The following EVC2 variants were observed in gnomAD, a reference collection of about 807,000 sequenced individuals.
EVC2 encodes EvC ciliary complex subunit 2.
In EVC2, 148 loss-of-function variants were observed where a neutral mutation model predicts 149.3. The observed-to-expected ratio is 0.99, with a 90% CI of 0.87 to 1.14. The LOEUF is 1.14. Among genes scored for constraint, EVC2 ranks in the 50% most tolerant of loss-of-function variants. EVC2 has a pLI of 0.00. For missense variants in EVC2, 1,854 were observed against 1,627.3 expected, an observed-to-expected ratio of 1.14 and a Z score of -2.40; for synonymous variants, 776 against 649.9, an observed-to-expected ratio of 1.19 and a Z score of -2.95.
At position 5,602,952 on chromosome 4, in the gene EVC2, A is replaced by ATG. The variant is rs146768389; in HGVS notation, c.2829+12468_2829+12469dup. 2.7e-3 allele frequency among the ~76,000 whole-genome samples: 417 copies of ATG among 151,736 alleles called. 3 individuals are homozygous for ATG. The highest frequency in any genetic ancestry group is 9.4e-3 in the African/African-American group (391 of 41,490). On this transcript the variant is annotated intron_variant, in intron 16 of 21. Coordinates refer to ENST00000344408, the MANE Select transcript of EVC2 (RefSeq NM_147127.5). ...AGCTGTTAACTCTGGGGAGCTGAAA[A>ATG]TGTGTGTGTGTGTGCATGGCTGGGG...
chr4:5,629,873 C>T (rs534650970), intron 11 of EVC2, among the ~76,000 whole-genome samples: 8 of 152,318 alleles, frequency 5.3e-5, no homozygotes, highest in African/African-American at 1.9e-4. Context: ...GAATTGGTAT[C>T]CTTAAATACT....
rs1160512258 is a variant in EVC2 at position 5,706,349 on chromosome 4, GATAGACAC to G, written c.228+1929_228+1936del. On this transcript the variant is annotated intron_variant, in intron 1 of 21. Transcript: ENST00000344408. ...AGATAGATAGATAGATACATAGATAGATAGACACATAGATAGATACATAGATAGATACA... is the reference window on the plus strand; with the variant it reads ...AGATAGATAGATAGATACATAGATAGATAGATAGATACATAGATAGATACA... Among the ~76,000 whole-genome samples the G allele has an allele frequency of 1.1e-3, 24 of 22,752 alleles. 1 individual carries two copies. The highest frequency in any genetic ancestry group is 2.1e-3 in the African/African-American group (8 of 3,786). 14.9% of individuals were successfully genotyped at this position (22,752 alleles called of 152,430 possible).
At chr4:5,638,641 C>G (rs1240846786) in intron 10 of EVC2, among the ~76,000 whole-genome samples, 2 of 152,070 alleles carry the variant, frequency 1.3e-5, no homozygotes, top group Non-Finnish European at 1.5e-5. Flanking sequence ...ATCCTAACCT[C>G]AGGACCTTAT....
At position 5,584,728 on chromosome 4, in the gene EVC2, G is replaced by A; in HGVS notation, c.2952C>T (p.Ala984=). The A allele has an allele frequency of 6.2e-7, 1 of 1,614,188 alleles. No individual in the cohort carries two copies. Among genetic ancestry groups the A allele is most frequent in the Non-Finnish European group, 8.5e-7 (1 of 1,180,032 alleles). The change falls in exon 17 of 22, where the codon GCC becomes GCT. Residue 984 remains alanine, a synonymous_variant. Coordinates refer to ENST00000344408, the MANE Select transcript of EVC2 (RefSeq NM_147127.5). ...CCTGGATGCTGAGGAGGGCGGTGTA[G>A]GCCGACAGAGTCTCGGTCACCCGGG... is the stretch of plus-strand genomic sequence containing the variant. The part of the protein sequence containing the change: ...KASRVTETLS[A]YTALLSIQDL...
chr4:5,694,304 T>C lies in EVC2; in HGVS notation c.450+31A>G, dbSNP rs55801084. 49,663 of 1,611,062 alleles carry C rather than the reference T, an allele frequency of 0.031. 927 individuals carry two copies. The highest frequency in any genetic ancestry group is 0.035 in the Non-Finnish European group (41,074 of 1,178,066). ...ATTGGTTTATTTCCAACTTCTGGTA[T>C]TTGTGTTAAAGCATTGAACTTAATA... is the stretch of plus-strand genomic sequence containing the variant. On this transcript the variant is annotated intron_variant, in intron 3 of 21. Transcript: ENST00000344408.
intron 17 of EVC2, among the ~76,000 whole-genome samples, chr4:5,578,259 C>A (rs1723053096): frequency 1.3e-5 from 2 of 152,082 alleles, no homozygotes. Context: ...CAGCACAGTG[C>A]ATAGCTCATC....
At position 5,562,953 on chromosome 4, in the gene EVC2, T is replaced by G. The variant is rs2108765040; in HGVS notation, c.3822A>C (p.Ile1274=). ...DLLNTGEKLF[I]FRNPKEPEIS... ...TCTCTGGCTCCTTTGGATTTCTGAA[T>G]ATAAAGAGCTTCTCTCCTGTGTTTA... Residue 1274 remains isoleucine, a synonymous_variant, in exon 22 of 22, where the codon ATA becomes ATC. Coordinates refer to ENST00000344408, the MANE Select transcript of EVC2 (RefSeq NM_147127.5). The surrounding 1 kb of genome is among the most constrained non-coding windows in gnomAD (Gnocchi z 4.3). 6.2e-7 allele frequency: 1 copy of G among 1,614,124 alleles called. No individual in the cohort carries two copies. The highest frequency in any genetic ancestry group is 2.2e-5 in the East Asian group (1 of 44,866).
intron 21 of EVC2, among the ~76,000 whole-genome samples, chr4:5,543,455 T>C (rs548735223): frequency 6.6e-6 from 1 of 152,358 alleles, no homozygotes; most frequent in East Asian, 1.9e-4. Flanking sequence ...CCTGCAGGGT[T>C]CGAAGTGTTT....
intron 21 of EVC2, among the ~76,000 whole-genome samples, chr4:5,548,849 A>C (rs539701749): frequency 5.3e-5 from 8 of 152,330 alleles, no homozygotes; most frequent in African/African-American, 1.9e-4. Context: ...TCACCTGTAG[A>C]TGACCCTCCA....
At position 5,686,127 on chromosome 4, in the gene EVC2, C is replaced by CACACACATAT. The variant is rs71171411; in HGVS notation, c.707-649_707-648insATATGTGTGT. 0.048 allele frequency among the ~76,000 whole-genome samples: 7,154 copies of CACACACATAT among 149,606 alleles called. 265 individuals are homozygous for CACACACATAT. Among genetic ancestry groups the CACACACATAT allele is most frequent in the East Asian group, 0.18 (915 of 5,118 alleles). On this transcript the variant is annotated intron_variant, in intron 5 of 21. Transcript: ENST00000344408. The surrounding 1 kb of genome is among the most constrained non-coding windows in gnomAD (Gnocchi z 5.4). The stretch of plus-strand genomic sequence containing the variant: ...ACACACACACACACACACACACACA[C>CACACACATAT]AGAGTAAAGAAAAGAGGAGGAACGC...
Position 5,625,499 on chromosome 4 carries a change from G to C in EVC2, c.2046+250C>G, listed in dbSNP as rs138086180. ...TCAAACCAGCACTCCTAATTCCCTT[G>C]CCCATGCAGACATTACTAGTCTATT... On this transcript the variant is annotated intron_variant, in intron 13 of 21. Coordinates refer to ENST00000344408, the MANE Select transcript of EVC2 (RefSeq NM_147127.5). The surrounding 1 kb of genome is among the most constrained non-coding windows in gnomAD (Gnocchi z 4.0). 3.1e-4 allele frequency among the ~76,000 whole-genome samples: 47 copies of C among 152,290 alleles called. 1 individual carries two copies. In the East Asian group the frequency reaches 8.3e-3, roughly 27 times the overall value.
Position 5,563,034 on chromosome 4 carries a change from C to A in EVC2, c.3741G>T (p.Glu1247Asp). Residue 1247 changes from glutamate (E) to aspartate (D), a missense_variant, in exon 22 of 22, where the codon GAG becomes GAT. Coordinates refer to ENST00000344408, the MANE Select transcript of EVC2 (RefSeq NM_147127.5). Reference sequence around the variant, plus strand: ...GTACAGGGGCCAGTTCGCCAATGGGCTCCAGTGACAGGTGTGGCCAACTTC... The same window carrying A: ...GTACAGGGGCCAGTTCGCCAATGGGATCCAGTGACAGGTGTGGCCAACTTC... ...GKGSWPHLSLEPIGELAPVPI... is the reference protein window; with the variant it reads ...GKGSWPHLSLDPIGELAPVPI... 6.2e-7 allele frequency: 1 copy of A among 1,614,176 alleles called. No homozygotes were observed. The highest frequency in any genetic ancestry group is 2.2e-5 in the East Asian group (1 of 44,884).
intron 6 of EVC2, among the ~76,000 whole-genome samples, chr4:5,684,295 T>G (rs963089738): frequency 2.6e-5 from 4 of 152,172 alleles, no homozygotes; most frequent in Non-Finnish European, 5.9e-5. Context: ...ATCTAAGGTT[T>G]TTTGTTTTGT....
intron 19 of EVC2, among the ~76,000 whole-genome samples, chr4:5,574,355 C>G (rs189360185): frequency 1.9e-3 from 284 of 152,324 alleles, no homozygotes; most frequent in African/African-American, 6.4e-3. Flanking sequence ...CCAGTTTTCT[C>G]TTACCCACTT....
chr4:5,604,171 G>A (rs1577146079), intron 16 of EVC2, among the ~76,000 whole-genome samples: 1 of 152,086 alleles, frequency 6.6e-6, no homozygotes, highest in African/African-American at 2.4e-5. Flanking sequence ...AATATCAAGG[G>A]GTTGAAAACA....
Position 5,658,522 on chromosome 4 carries a change from G to A in EVC2, c.1145+4585C>T, listed in dbSNP as rs117612292. 2.0e-5 allele frequency among the ~76,000 whole-genome samples: 3 copies of A among 152,320 alleles called. No homozygotes were observed. The East Asian group carries it at 5.8e-4, about 29-fold the overall frequency. On this transcript the variant is annotated intron_variant, in intron 9 of 21. Coordinates refer to ENST00000344408, the MANE Select transcript of EVC2 (RefSeq NM_147127.5). ...ACTTACTTTGTACAAACACAATTTC[G>A]AGACAGTTTAGAGGTAATGTTGGTA... is the stretch of plus-strand genomic sequence containing the variant.
At chr4:5,585,159 T>C (rs1338547419) in intron 16 of EVC2, among the ~76,000 whole-genome samples, 1 of 152,090 alleles carries the variant, frequency 6.6e-6, no homozygotes, top group Non-Finnish European at 1.5e-5. Flanking sequence ...GGATGGAAGT[T>C]CAACTCCTGA....
At chr4:5,548,082 C>G (rs1456784088) in intron 21 of EVC2, among the ~76,000 whole-genome samples, 1 of 152,104 alleles carries the variant, frequency 6.6e-6, no homozygotes, top group East Asian at 2.0e-4. Flanking sequence ...CCTGACTGTG[C>G]ACGGTGGCTG....
At chr4:5,671,238 G>C (rs896300266) in intron 7 of EVC2, among the ~76,000 whole-genome samples, 8 of 152,214 alleles carry the variant, frequency 5.3e-5, no homozygotes, top group African/African-American at 1.9e-4. Context: ...ACATCCAGCA[G>C]TTGGGGCTAG....
Sources: allele counts gnomAD v4.1 joint callset (sites outside exome capture counted in the v4.1 genomes callset), GRCh38; gene constraint gnomAD v4.1.1; non-coding constraint Gnocchi (gnomAD v3.1); transcripts MANE v1.5; gene names NCBI Gene and HGNC (gene_info 2026-07-23, HGNC 2026-07-21).